IQCB1: variants seen among roughly 807,000 people sequenced by gnomAD.
IQCB1 encodes IQ motif containing B1.
Under a neutral mutation model 84.4 loss-of-function variants are expected in IQCB1, and 56 were observed. The ratio of observed to expected loss-of-function variants is 0.66; its 90% CI spans 0.54 to 0.83. The LOEUF is 0.83. Among genes scored for constraint, IQCB1 ranks in the 40% least tolerant of loss-of-function variants. The pLI is 0.00. For missense variants in IQCB1, 629 were observed against 682.1 expected, an observed-to-expected ratio of 0.92 and a Z score of 0.87; for synonymous variants, 210 against 234.8, an observed-to-expected ratio of 0.89 and a Z score of 0.96.
At chr3:121,805,440 A>G (rs1378099668) in intron 7 of IQCB1, among the ~76,000 whole-genome samples, 3 of 152,234 alleles carry the variant, frequency 2.0e-5, no homozygotes, top group Non-Finnish European at 4.4e-5. Flanking sequence ...ATCGAAGGAT[A>G]GCCATTTCTA....
chr3:121,815,661 C>T (rs1950022782), intron 5 of IQCB1, among the ~76,000 whole-genome samples: 1 of 151,994 alleles, frequency 6.6e-6, no homozygotes, highest in Non-Finnish European at 1.5e-5. Context: ...TTCACAATTG[C>T]TACAAACAGA....
In IQCB1 at chr3:121,825,992, C is replaced by T; in HGVS notation, c.393+59G>A. ...CAAATATTGCACATTTAAAAAATAACAGAACAGCTTCTTAAGAATTAAACT... is the reference window on the plus strand; with the variant it reads ...CAAATATTGCACATTTAAAAAATAATAGAACAGCTTCTTAAGAATTAAACT... On this transcript the variant is annotated intron_variant, in intron 5 of 14. Coordinates refer to ENST00000310864, the MANE Select transcript of IQCB1 (RefSeq NM_001023570.4). 2.1e-6 allele frequency: 3 copies of T among 1,456,524 alleles called. No homozygotes were observed. In the South Asian group the frequency reaches 3.5e-5, roughly 17 times the overall value. The allele number at this position is 1,456,524 out of a possible 1,614,324, so 90.2% of individuals were successfully genotyped here.
At chr3:121,774,267 T>A (rs931746361) in intron 13 of IQCB1, among the ~76,000 whole-genome samples, 36 of 152,224 alleles carry the variant, frequency 2.4e-4, no homozygotes, top group Middle Eastern at 3.4e-3. Flanking sequence ...AAACAATGAC[T>A]ACAACAAAAA....
At position 121,783,978 on chromosome 3, in the gene IQCB1, T is replaced by C. The variant is rs990673791; in HGVS notation, c.1279-2104A>G. ...ATGTTCCTGTCAAGAAGTCCTTTTG[T>C]TCCTAGTATATCTTACAGTATTATG... is the stretch of plus-strand genomic sequence containing the variant. On this transcript the variant is annotated intron_variant, in intron 12 of 14. Transcript: ENST00000310864. Among the ~76,000 whole-genome samples, 4 of 152,354 alleles carry C rather than the reference T, an allele frequency of 2.6e-5. No homozygotes were observed. The East Asian group carries it at 7.7e-4, about 29-fold the overall frequency.
chr3:121,828,902 CT>C lies in IQCB1; in HGVS notation c.58del (p.Ser20AlafsTer11). ...TATAACAGGGACATTCTGCTCAGGG[CT>C]TTTTGCAACTTCAGCAGCTATAGAT... ...ILSIAAEVAK[S>X]PEQNVPVILL... is the part of the protein sequence containing the mutation. On this transcript the variant is annotated frameshift_variant, in exon 3 of 15. Coordinates refer to ENST00000310864, the MANE Select transcript of IQCB1 (RefSeq NM_001023570.4). LOFTEE classifies it high-confidence loss of function. 1 of 1,611,558 alleles carries C rather than the reference CT, an allele frequency of 6.2e-7. No homozygotes were observed. The highest frequency in any genetic ancestry group is 8.5e-7 in the Non-Finnish European group (1 of 1,178,686).
At position 121,782,082 on chromosome 3, in the gene IQCB1, C is replaced by T. The variant is rs556054265; in HGVS notation, c.1279-208G>A. Among the ~76,000 whole-genome samples the T allele has an allele frequency of 2.6e-5, 4 of 152,106 alleles. No individual in the cohort carries two copies. The South Asian group carries it at 8.3e-4, about 32-fold the overall frequency. On this transcript the variant is annotated intron_variant, in intron 12 of 14. Transcript: ENST00000310864. ...GTAGTGCTTTTTACAAGGATATAGTCACGTATTATTTGTGCAGTAAGCAAT... is the reference window on the plus strand; with the variant it reads ...GTAGTGCTTTTTACAAGGATATAGTTACGTATTATTTGTGCAGTAAGCAAT...
intron 2 of IQCB1, among the ~76,000 whole-genome samples, chr3:121,833,769 C>A (rs1193176120): frequency 1.3e-5 from 2 of 152,074 alleles, no homozygotes; most frequent in Middle Eastern, 6.3e-3. Flanking sequence ...TTGCTGTAAA[C>A]AAAATAGCAA....
At chr3:121,786,749 T>C (rs1329560596) in intron 12 of IQCB1, among the ~76,000 whole-genome samples, 1 of 152,198 alleles carries the variant, frequency 6.6e-6, no homozygotes, top group Admixed American at 6.5e-5. Flanking sequence ...CCTTCAGATA[T>C]GTTCCTATGA....
At chr3:121,823,196 A>AAAC (rs3045646) in intron 5 of IQCB1, among the ~76,000 whole-genome samples, 123,833 of 151,562 alleles carry the variant, frequency 0.82, 51,002 homozygotes, top group East Asian at 0.94. Context: ...AAACTGAAGT[A>AAAC]AACAACAACA....
intron 5 of IQCB1, among the ~76,000 whole-genome samples, chr3:121,812,600 C>T (rs1225819956): frequency 6.6e-6 from 1 of 152,136 alleles, no homozygotes; most frequent in Non-Finnish European, 1.5e-5. Flanking sequence ...CTGAAAAACA[C>T]AGCATGAGAA....
At chr3:121,785,347 G>A (rs1003056602) in intron 12 of IQCB1, among the ~76,000 whole-genome samples, 1 of 151,828 alleles carries the variant, frequency 6.6e-6, no homozygotes, top group South Asian at 2.1e-4. Flanking sequence ...CAACTTCCCA[G>A]GCTCAGGTGA....
chr3:121,834,785 G>C (rs914164123), intron 1 of IQCB1, among the ~76,000 whole-genome samples, 181 bp downstream of exon 1: 2 of 152,178 alleles, frequency 1.3e-5, no homozygotes, highest in African/African-American at 4.8e-5. Context: ...CCTGGACACT[G>C]CACCTCCCCA....
chr3:121,779,946 T>C (rs1948401582), intron 13 of IQCB1, among the ~76,000 whole-genome samples: 1 of 152,218 alleles, frequency 6.6e-6, no homozygotes, highest in Non-Finnish European at 1.5e-5. Context: ...ATACTATTCC[T>C]GGACCTATGT....
At chr3:121,821,457 T>C (rs1440794037) in intron 5 of IQCB1, among the ~76,000 whole-genome samples, 4 of 152,208 alleles carry the variant, frequency 2.6e-5, no homozygotes, top group Non-Finnish European at 5.9e-5. Context: ...ACAAAGCTTT[T>C]TGGAATCACT....
Position 121,806,275 on chromosome 3 carries a change from TAG to T in IQCB1, c.587+1067_587+1068del, listed in dbSNP as rs374596446. On this transcript the variant is annotated intron_variant, in intron 7 of 14. Transcript: ENST00000310864. ...GATTAGTATGATTGCCTTTTGTGTCTAGAGTTTTCTTCCCCTTAATCTACCTT... is the reference window on the plus strand; with the variant it reads ...GATTAGTATGATTGCCTTTTGTGTCTAGTTTTCTTCCCCTTAATCTACCTT... Among the ~76,000 whole-genome samples, 22 of 152,212 alleles carry T rather than the reference TAG, an allele frequency of 1.4e-4. 1 individual carries two copies. In the South Asian group the frequency reaches 4.6e-3, roughly 32 times the overall value.
intron 2 of IQCB1, among the ~76,000 whole-genome samples, chr3:121,832,927 G>A (rs141680115): frequency 2.5e-3 from 379 of 152,260 alleles, no homozygotes; most frequent in African/African-American, 8.7e-3. Flanking sequence ...AATCTGAAAC[G>A]TCACATTTTC....
At chr3:121,775,082 G>C (rs914868716) in intron 13 of IQCB1, among the ~76,000 whole-genome samples, 2 of 152,126 alleles carry the variant, frequency 1.3e-5, no homozygotes, top group Non-Finnish European at 1.5e-5. Flanking sequence ...CCTCTCTACA[G>C]AGCTTAGGAA....
At chr3:121,778,072 T>TAATTTTTA (rs1948303663) in intron 13 of IQCB1, among the ~76,000 whole-genome samples, 1 of 152,116 alleles carries the variant, frequency 6.6e-6, no homozygotes, top group Non-Finnish European at 1.5e-5. Context: ...CATGCCTGGC[T>TAATTTTTA]AATTTTTAAA....
At chr3:121,788,992 G>A (rs1948849481) in intron 11 of IQCB1, among the ~76,000 whole-genome samples, 1 of 152,182 alleles carries the variant, frequency 6.6e-6, no homozygotes, top group Non-Finnish European at 1.5e-5. Context: ...TGATCAACTG[G>A]ATACGGAGGT....
Sources: gnomAD v4.1 joint callset for allele counts (sites outside exome capture counted in the v4.1 genomes callset) on GRCh38, gnomAD v4.1.1 for gene constraint, MANE v1.5 for transcripts, NCBI Gene and HGNC (gene_info 2026-07-23, HGNC 2026-07-21) for gene names.